NCAM1: variants seen among roughly 807,000 people sequenced by gnomAD.
NCAM1 encodes the protein antigen recognized by monoclonal antibody 5.1H11.
Under a neutral mutation model 109.8 loss-of-function variants are expected in NCAM1, and 14 were observed. That is an observed-to-expected ratio of 0.13 (90% confidence interval 0.08 to 0.20). The LOEUF is 0.20. Ranked by LOEUF, NCAM1 falls within the 10% of genes least tolerant of loss-of-function variation. The probability of loss-of-function intolerance (pLI) is 1.00; values close to 1 mark genes in which losing one functional copy is unlikely to be tolerated. For synonymous variants in NCAM1, 418 were observed against 442.9 expected (o/e 0.94, Z 0.70); for missense variants, 774 against 1,109.9 (o/e 0.70, Z 4.30).
chr11:113,142,512 C>G (rs1591362614), intron 1 of NCAM1, among the ~76,000 whole-genome samples: 1 of 152,260 alleles, frequency 6.6e-6, no homozygotes, highest in East Asian at 1.9e-4. Flanking sequence ...GCCTAGGGGA[C>G]AGGTACCAGT....
chr11:112,972,256 G>A (rs1414038669), intron 1 of NCAM1, among the ~76,000 whole-genome samples: 1 of 152,078 alleles, frequency 6.6e-6, no homozygotes, highest in African/African-American at 2.4e-5. Context: ...AAAGAGACTA[G>A]GAAGACTCAA....
intron 17 of NCAM1, 132 bp from the exon 18 acceptor site, chr11:113,270,056 G>C: frequency 1.2e-6 from 1 of 812,034 alleles, no homozygotes; most frequent in African/African-American, 1.7e-5. Flanking sequence ...TCCCCAGGAA[G>C]GTGTCACTCT....
chr11:113,265,252 A>T (rs1946114084), intron 17 of NCAM1: 3 of 770,042 alleles, frequency 3.9e-6, no homozygotes, highest in Non-Finnish European at 4.7e-6. Flanking sequence ...AGCAGCAAAG[A>T]CCCTTTCCCT....
In NCAM1 at chr11:113,072,326, A is replaced by T. The variant is rs182258269; in HGVS notation, c.52+110662A>T. Among the ~76,000 whole-genome samples the T allele has an allele frequency of 9.2e-5, 14 of 152,336 alleles. No individual in the cohort carries two copies. In the East Asian group the frequency reaches 2.3e-3, roughly 25 times the overall value. ...AGCCAAAGGGCACTGTCGTATTTCA[A>T]ATAAACGATGTCATCAATGAAATGG... On this transcript the variant is annotated intron_variant, in intron 1 of 19. Coordinates refer to ENST00000316851, the MANE Select transcript of NCAM1 (RefSeq NM_181351.5).
At chr11:113,188,448 G>T (rs1202787031) in intron 1 of NCAM1, among the ~76,000 whole-genome samples, 1 of 152,176 alleles carries the variant, frequency 6.6e-6, no homozygotes, top group Non-Finnish European at 1.5e-5. Flanking sequence ...CATGGAGTTT[G>T]TTTGGGGAAG....
At chr11:113,061,670 C>A (rs2135488892) in intron 1 of NCAM1, among the ~76,000 whole-genome samples, 1 of 152,318 alleles carries the variant, frequency 6.6e-6, no homozygotes, top group East Asian at 1.9e-4. Flanking sequence ...ACATCCTGTC[C>A]CCCGTATGTG....
intron 7 of NCAM1, among the ~76,000 whole-genome samples, chr11:113,211,854 C>A (rs576782369): frequency 6.6e-6 from 1 of 152,234 alleles, no homozygotes; most frequent in South Asian, 2.1e-4. Flanking sequence ...CTCTTAGTGG[C>A]AAGCATTCTT....
At chr11:113,209,755 A>G (rs1014618871) in intron 7 of NCAM1, among the ~76,000 whole-genome samples, 2 of 152,222 alleles carry the variant, frequency 1.3e-5, no homozygotes. Flanking sequence ...GCTAATGTAG[A>G]TAGTCAACGC....
chr11:113,081,905 G>A lies in NCAM1; in HGVS notation c.52+120241G>A, dbSNP rs781951864. On this transcript the variant is annotated intron_variant, in intron 1 of 19. Transcript: ENST00000316851. ...AAGAACTAAACCCAACTCCAATAACGCCTTTACTATCTGCCTATTTGCAGT... is the reference window on the plus strand; with the variant it reads ...AAGAACTAAACCCAACTCCAATAACACCTTTACTATCTGCCTATTTGCAGT... Among the ~76,000 whole-genome samples, 43 of 151,960 alleles carry A rather than the reference G, an allele frequency of 2.8e-4. 1 individual carries two copies. Among genetic ancestry groups the A allele is most frequent in the Non-Finnish European group, 2.4e-4 (16 of 68,004 alleles).
chr11:113,018,183 A>T (rs1168291661), intron 1 of NCAM1, among the ~76,000 whole-genome samples: 3 of 7,032 alleles, frequency 4.3e-4, no homozygotes, highest in African/African-American at 7.8e-4. Context: ...TAATTGTGGT[A>T]AAAAAAAAAC....
intron 17 of NCAM1, among the ~76,000 whole-genome samples, chr11:113,267,611 C>A (rs559592118): frequency 6.6e-6 from 1 of 152,110 alleles, no homozygotes; most frequent in Non-Finnish European, 1.5e-5. Flanking sequence ...GCCATGAGGC[C>A]CAACAGAGGA....
chr11:113,037,413 C>A (rs139112012), intron 1 of NCAM1, among the ~76,000 whole-genome samples: 282 of 152,220 alleles, frequency 1.9e-3, no homozygotes, highest in African/African-American at 6.6e-3. Context: ...CATTGTCCCT[C>A]CTCTCGTCTC....
intron 4 of NCAM1, among the ~76,000 whole-genome samples, 176 bp from the exon 5 acceptor site, chr11:113,205,867 T>A (rs1325600781): frequency 1.3e-5 from 2 of 152,166 alleles, no homozygotes; most frequent in Admixed American, 1.3e-4. Flanking sequence ...GAAAGACAAA[T>A]TTCTAATAGA....
intron 1 of NCAM1, among the ~76,000 whole-genome samples, chr11:113,140,680 A>G (rs1468057325): frequency 1.3e-5 from 2 of 152,132 alleles, no homozygotes; most frequent in Non-Finnish European, 2.9e-5. Context: ...ATTCTAGCTT[A>G]TTTTGAGCTT....
chr11:113,214,638 C>T (rs367708183), intron 8 of NCAM1, 127 bp downstream of exon 8: 1 of 1,021,894 alleles, frequency 9.8e-7, no homozygotes, highest in African/African-American at 1.6e-5. Context: ...ACAGCCAGAT[C>T]CCGGGGCCTC....
At chr11:112,999,818 G>A (rs1951694448) in intron 1 of NCAM1, among the ~76,000 whole-genome samples, 1 of 152,178 alleles carries the variant, frequency 6.6e-6, no homozygotes, top group African/African-American at 2.4e-5. Context: ...CATAATTGTA[G>A]AATGAAGTGT....
At chr11:113,058,248 C>A (rs969538284) in intron 1 of NCAM1, among the ~76,000 whole-genome samples, 3 of 152,050 alleles carry the variant, frequency 2.0e-5, no homozygotes, top group African/African-American at 7.2e-5. Flanking sequence ...CTCACCATTG[C>A]ACTCCAGCCC....
At chr11:113,164,181 T>C (rs1565473224) in intron 1 of NCAM1, among the ~76,000 whole-genome samples, 1 of 152,126 alleles carries the variant, frequency 6.6e-6, no homozygotes, top group Non-Finnish European at 1.5e-5. Flanking sequence ...CAGTCTGCAC[T>C]TAGCACTGCA....
At chr11:113,045,139 C>T (rs140557198) in intron 1 of NCAM1, among the ~76,000 whole-genome samples, 29 of 152,252 alleles carry the variant, frequency 1.9e-4, no homozygotes, top group African/African-American at 6.5e-4. Context: ...TAAACACATA[C>T]GAAATAAAGA....
Sources: allele counts gnomAD v4.1 joint callset (sites outside exome capture counted in the v4.1 genomes callset), GRCh38; gene constraint gnomAD v4.1.1; transcripts MANE v1.5; gene names NCBI Gene and HGNC (gene_info 2026-07-23, HGNC 2026-07-21).